Variants in SLIT3 observed in about 807,000 individuals in gnomAD.
SLIT3 encodes the protein slit homolog 3 protein.
A neutral mutation model predicts 184.0 loss-of-function variants in SLIT3; 68 were observed. The ratio of observed to expected loss-of-function variants is 0.37; its 90% CI spans 0.30 to 0.45. The LOEUF is 0.45. Ranked by LOEUF, SLIT3 falls within the 20% of genes least tolerant of loss-of-function variation. SLIT3 has a pLI of 1.00. For synonymous variants in SLIT3, 831 were observed against 828.6 expected (o/e 1.00, Z -0.05); for missense variants, 1,707 against 2,026.0 (o/e 0.84, Z 3.02).
intron 4 of SLIT3, among the ~76,000 whole-genome samples, chr5:168,964,974 G>T (rs1050343257): frequency 3.3e-5 from 5 of 152,186 alleles, no homozygotes; most frequent in African/African-American, 9.7e-5. Flanking sequence ...ACCAAGACTA[G>T]GGAGACGTGT....
chr5:169,144,127 G>C (rs752117616), intron 4 of SLIT3, among the ~76,000 whole-genome samples: 1 of 152,134 alleles, frequency 6.6e-6, no homozygotes, highest in Non-Finnish European at 1.5e-5. Context: ...GGCCATTATG[G>C]TATCTCTGCT....
At chr5:169,109,631 T>C (rs1581418790) in intron 4 of SLIT3, among the ~76,000 whole-genome samples, 1 of 152,204 alleles carries the variant, frequency 6.6e-6, no homozygotes, top group African/African-American at 2.4e-5. Flanking sequence ...TTTCCCTCTC[T>C]CTGGAAGAAC....
chr5:168,755,266 C>T (rs148530429), intron 16 of SLIT3, among the ~76,000 whole-genome samples: 1 of 152,074 alleles, frequency 6.6e-6, no homozygotes, highest in Non-Finnish European at 1.5e-5. Flanking sequence ...CTCCATTGAA[C>T]CTCTTCTTTC....
intron 4 of SLIT3, among the ~76,000 whole-genome samples, chr5:168,965,018 C>T (rs1479587362): frequency 6.6e-6 from 1 of 152,178 alleles, no homozygotes; most frequent in Non-Finnish European, 1.5e-5. Context: ...TCTAAGGAAG[C>T]ACTCACATCC....
chr5:168,802,552 T>C (rs1756805250), intron 9 of SLIT3, among the ~76,000 whole-genome samples: 1 of 152,190 alleles, frequency 6.6e-6, no homozygotes, highest in South Asian at 2.1e-4. Context: ...TTTACATATA[T>C]GAATACATTT....
At chr5:169,158,707 G>A (rs962434975) in intron 4 of SLIT3, among the ~76,000 whole-genome samples, 3 of 152,162 alleles carry the variant, frequency 2.0e-5, no homozygotes, top group Non-Finnish European at 4.4e-5. Flanking sequence ...ATAAAGGGAA[G>A]TGAGGTTTCT....
At chr5:168,999,617 G>A (rs906717284) in intron 4 of SLIT3, among the ~76,000 whole-genome samples, 1 of 152,204 alleles carries the variant, frequency 6.6e-6, no homozygotes, top group African/African-American at 2.4e-5. Flanking sequence ...TGGCTTCCTA[G>A]TGCTGCCTCC....
chr5:168,953,864 A>G (rs967566074), intron 4 of SLIT3, among the ~76,000 whole-genome samples: 1 of 152,212 alleles, frequency 6.6e-6, no homozygotes, highest in Non-Finnish European at 1.5e-5. Context: ...ATACATAAAT[A>G]TTTATTTGCC....
At chr5:168,919,037 G>A (rs1761538957) in intron 4 of SLIT3, among the ~76,000 whole-genome samples, 1 of 151,996 alleles carries the variant, frequency 6.6e-6, no homozygotes, top group Admixed American at 6.6e-5. Context: ...GAGGCGGGTG[G>A]ATCACGAGGT....
At position 168,772,879 on chromosome 5, in the gene SLIT3, T is replaced by C. The variant is rs1385974447; in HGVS notation, c.1361A>G (p.Asp454Gly). Reference protein sequence around the residue: ...HLKWLADYLQDNPIETSGARC... With the variant: ...HLKWLADYLQGNPIETSGARC... ...GGCCCCGCTTGTCTCGATGGGGTTG[T>C]CCTGGAGGTAGTCGGCCAGCCACTT... is the stretch of plus-strand genomic sequence containing the variant. Residue 454 changes from aspartate (D) to glycine (G), a missense_variant, in exon 14 of 36, where the codon GAC becomes GGC. Around this residue, in one of 3 missense-constraint regions of SLIT3, gnomAD observed 1,307 missense variants for 1,511.6 expected, o/e 0.86. Coordinates refer to ENST00000519560, the MANE Select transcript of SLIT3 (RefSeq NM_003062.4). 6 of 1,613,772 alleles carry C rather than the reference T, an allele frequency of 3.7e-6. No individual in the cohort carries two copies. The South Asian group carries it at 5.5e-5, about 15-fold the overall frequency.
chr5:168,856,955 C>T (rs766655014), intron 5 of SLIT3, among the ~76,000 whole-genome samples: 30 of 152,102 alleles, frequency 2.0e-4, no homozygotes, highest in African/African-American at 4.6e-4. Context: ...GGGCTACGGA[C>T]GTGCGACGGC....
chr5:169,271,589 A>G (rs922962130), intron 1 of SLIT3, among the ~76,000 whole-genome samples: 1 of 152,194 alleles, frequency 6.6e-6, no homozygotes, highest in Non-Finnish European at 1.5e-5. Flanking sequence ...TCACCGCAAC[A>G]TATTCTGTGG....
At chr5:169,083,068 G>A (rs1254932117) in intron 4 of SLIT3, among the ~76,000 whole-genome samples, 1 of 152,176 alleles carries the variant, frequency 6.6e-6, no homozygotes, top group Non-Finnish European at 1.5e-5. Flanking sequence ...TTTGGTCTTA[G>A]TTGCTGGTGA....
intron 8 of SLIT3, among the ~76,000 whole-genome samples, chr5:168,807,975 C>T (rs371083764): frequency 3.3e-5 from 5 of 152,282 alleles, no homozygotes; most frequent in South Asian, 4.1e-4. Flanking sequence ...TAATTTGGAA[C>T]GTTTACCTCC....
intron 20 of SLIT3, among the ~76,000 whole-genome samples, chr5:168,736,033 AC>A (rs1763425827): frequency 6.6e-6 from 1 of 151,830 alleles, no homozygotes; most frequent in Non-Finnish European, 1.5e-5. Context: ...TCCCTCCTTT[AC>A]TTTCCTGGGA....
Position 169,187,111 on chromosome 5 carries a change from G to GTTTTTTTTTTTTTT in SLIT3, c.413+6354_413+6367dup, listed in dbSNP as rs761501769. Among the ~76,000 whole-genome samples the GTTTTTTTTTTTTTT allele has an allele frequency of 6.7e-4, 63 of 94,424 alleles. 1 individual carries two copies. Among genetic ancestry groups the GTTTTTTTTTTTTTT allele is most frequent in the Non-Finnish European group, 9.9e-4 (51 of 51,358 alleles). 61.9% of individuals were successfully genotyped at this position (94,424 alleles called of 152,430 possible). The stretch of plus-strand genomic sequence containing the variant: ...AGTACAACTGCTTATGCAGCTATAG[G>GTTTTTTTTTTTTTT]TTTTTTTTTTTTTTTTTTTTTGAGA... On this transcript the variant is annotated intron_variant, in intron 4 of 35. Coordinates refer to ENST00000519560, the MANE Select transcript of SLIT3 (RefSeq NM_003062.4).
intron 1 of SLIT3, among the ~76,000 whole-genome samples, chr5:169,261,685 T>C (rs1766182970): frequency 6.6e-6 from 1 of 152,222 alleles, no homozygotes. Flanking sequence ...AAGGAACTTT[T>C]ATTTCTTTGC....
At chr5:168,800,295 T>C (rs1756718293) in intron 9 of SLIT3, among the ~76,000 whole-genome samples, 1 of 152,172 alleles carries the variant, frequency 6.6e-6, no homozygotes, top group Admixed American at 6.5e-5. Flanking sequence ...TTCAGAAAGG[T>C]AGACTGTTGG....
intron 3 of SLIT3, among the ~76,000 whole-genome samples, chr5:169,220,648 T>C (rs186026075): frequency 1.3e-5 from 2 of 152,350 alleles, no homozygotes; most frequent in Admixed American, 1.3e-4. Context: ...GGCAGGAATA[T>C]TTATCTTTTA....
Sources: allele counts gnomAD v4.1 joint callset (sites outside exome capture counted in the v4.1 genomes callset), GRCh38; gene constraint gnomAD v4.1.1; regional missense constraint gnomAD v4.1.1; transcripts MANE v1.5; gene names NCBI Gene and HGNC (gene_info 2026-07-23, HGNC 2026-07-21).